The following DAB1 variants were observed in gnomAD, a reference collection of about 807,000 sequenced individuals.
DAB1 encodes DAB adaptor protein 1, also known as disabled homolog 1.
A neutral mutation model predicts 64.6 loss-of-function variants in DAB1; 15 were observed. The observed-to-expected ratio is 0.23, with a 90% CI of 0.16 to 0.36. DAB1 has a LOEUF of 0.36. Ranked by LOEUF, DAB1 falls within the 10% of genes least tolerant of loss-of-function variation. The pLI is 1.00. For synonymous variants in DAB1, 235 were observed against 251.9 expected, an observed-to-expected ratio of 0.93 and a Z score of 0.64; for missense variants, 596 against 706.7, an observed-to-expected ratio of 0.84 and a Z score of 1.78.
intron 4 of DAB1, among the ~76,000 whole-genome samples, chr1:58,183,363 CAGATTATGCACACA>C (rs1420594228): frequency 6.6e-6 from 1 of 151,146 alleles, no homozygotes; most frequent in Non-Finnish European, 1.5e-5. Flanking sequence ...CTGGTGTCTC[CAGATTATGCACACA>C]GCTGCACCTA....
At chr1:58,434,302 G>A (rs1644917449) in intron 3 of DAB1, among the ~76,000 whole-genome samples, 1 of 152,050 alleles carries the variant, frequency 6.6e-6, no homozygotes, top group South Asian at 2.1e-4. Flanking sequence ...TACAGTAATA[G>A]TAGAGATGGT....
At chr1:57,612,532 G>C (rs959073041) in intron 7 of DAB1, among the ~76,000 whole-genome samples, 1 of 152,070 alleles carries the variant, frequency 6.6e-6, no homozygotes, top group Non-Finnish European at 1.5e-5. Flanking sequence ...ATGCTATGCT[G>C]CTGGACTTGA....
At chr1:58,331,205 G>C (rs1662960837) in intron 4 of DAB1, among the ~76,000 whole-genome samples, 1 of 152,308 alleles carries the variant, frequency 6.6e-6, no homozygotes, top group Non-Finnish European at 1.5e-5. Flanking sequence ...ATGGAGGAAA[G>C]AGCTGCAGAT....
intron 5 of DAB1, among the ~76,000 whole-genome samples, chr1:57,985,023 C>T (rs900307768): frequency 6.6e-6 from 1 of 152,068 alleles, no homozygotes; most frequent in South Asian, 2.1e-4. Context: ...ATTCTCCTGC[C>T]TCACCTCTCA....
chr1:58,401,881 A>G (rs979865254), intron 3 of DAB1, among the ~76,000 whole-genome samples: 12 of 152,132 alleles, frequency 7.9e-5, no homozygotes, highest in Non-Finnish European at 5.9e-5. Context: ...TTCTGTCTTT[A>G]TTTCCATCCT....
chr1:58,174,798 ACT>A (rs945574161), intron 4 of DAB1, among the ~76,000 whole-genome samples: 6 of 151,796 alleles, frequency 4.0e-5, no homozygotes, highest in African/African-American at 1.5e-4. Flanking sequence ...ACCTATCAGC[ACT>A]CTGTGTCTAG....
At chr1:58,544,929 C>T (rs1187619555) in intron 1 of DAB1, among the ~76,000 whole-genome samples, 2 of 152,074 alleles carry the variant, frequency 1.3e-5, no homozygotes, top group Non-Finnish European at 2.9e-5. Flanking sequence ...TCTGTAGACA[C>T]GGTGTGTCAC....
intron 1 of DAB1, chr1:57,307,287 T>A (rs1329448459): frequency 3.3e-5 from 5 of 152,284 alleles, no homozygotes; most frequent in Non-Finnish European, 7.3e-5. Flanking sequence ...CCATGCCTTT[T>A]GAGTCCAAGA....
At chr1:57,810,622 G>A (rs896771108) in intron 6 of DAB1, among the ~76,000 whole-genome samples, 1 of 152,094 alleles carries the variant, frequency 6.6e-6, no homozygotes, top group Non-Finnish European at 1.5e-5. Context: ...ATCCTCAGCT[G>A]TCAGGGTGCA....
At chr1:58,094,837 G>C (rs1456346653) in intron 5 of DAB1, among the ~76,000 whole-genome samples, 1 of 152,216 alleles carries the variant, frequency 6.6e-6, no homozygotes, top group Non-Finnish European at 1.5e-5. Flanking sequence ...CTTGGATTCA[G>C]TCAGTCTGGG....
intron 6 of DAB1, among the ~76,000 whole-genome samples, chr1:57,745,311 T>C (rs969776717): frequency 6.6e-6 from 1 of 152,196 alleles, no homozygotes; most frequent in South Asian, 2.1e-4. Context: ...GGCTCACCAA[T>C]GTTTGTTGAA....
At chr1:57,156,952 G>A (rs1455280526) in intron 2 of DAB1, among the ~76,000 whole-genome samples, 1 of 152,110 alleles carries the variant, frequency 6.6e-6, no homozygotes, top group Non-Finnish European at 1.5e-5. Flanking sequence ...TCCCAGAATG[G>A]GAGTCACCTT....
intron 6 of DAB1, among the ~76,000 whole-genome samples, chr1:57,804,058 C>T (rs1047648891): frequency 3.9e-5 from 6 of 152,046 alleles, no homozygotes; most frequent in Admixed American, 6.5e-5. Flanking sequence ...ATAAAAATTC[C>T]GGTTACTGGC....
intron 2 of DAB1, among the ~76,000 whole-genome samples, chr1:57,178,359 T>G (rs1259919315): frequency 6.7e-6 from 1 of 150,362 alleles, no homozygotes; most frequent in Non-Finnish European, 1.5e-5. Flanking sequence ...TAGAATGGAG[T>G]TTTAAAATTG....
chr1:57,902,896 T>A (rs1644496744), intron 5 of DAB1, among the ~76,000 whole-genome samples: 2 of 152,172 alleles, frequency 1.3e-5, no homozygotes, highest in African/African-American at 4.8e-5. Context: ...ACACTGCTAA[T>A]AAAGACATAC....
intron 5 of DAB1, among the ~76,000 whole-genome samples, chr1:57,986,317 G>C (rs1354267551): frequency 6.6e-6 from 1 of 152,142 alleles, no homozygotes; most frequent in Admixed American, 6.5e-5. Context: ...GAGTCTTCTT[G>C]ATTGGGATTA....
chr1:57,993,859 G>A (rs1334717009), intron 5 of DAB1, among the ~76,000 whole-genome samples: 6 of 152,176 alleles, frequency 3.9e-5, no homozygotes, highest in Non-Finnish European at 7.3e-5. Context: ...CCAGTAGAAA[G>A]AGGCATTTAG....
chr1:58,208,508 A>T (rs925722017), intron 4 of DAB1, among the ~76,000 whole-genome samples: 2 of 152,094 alleles, frequency 1.3e-5, no homozygotes, highest in Non-Finnish European at 1.5e-5. Context: ...GTATCCTTGT[A>T]GCTTAGCTCC....
intron 6 of DAB1, among the ~76,000 whole-genome samples, chr1:57,691,475 C>T (rs536053147): frequency 2.0e-5 from 3 of 151,950 alleles, no homozygotes; most frequent in Non-Finnish European, 4.4e-5. Flanking sequence ...TGCTAAGGTC[C>T]CCTTCCATGC....
Sources: allele counts gnomAD v4.1 joint callset (sites outside exome capture counted in the v4.1 genomes callset), GRCh38; gene constraint gnomAD v4.1.1; transcripts MANE v1.5; gene names NCBI Gene and HGNC (gene_info 2026-07-23, HGNC 2026-07-21).